UBE4B: variants seen among roughly 807,000 people sequenced by gnomAD.
The protein encoded by UBE4B is ubiquitin conjugation factor E4 B.
In UBE4B, 27 loss-of-function variants were observed where a neutral mutation model predicts 148.1. That is an observed-to-expected ratio of 0.18 (90% CI 0.13 to 0.25). The LOEUF is 0.25. Ranked by LOEUF, UBE4B falls within the 10% of genes least tolerant of loss-of-function variation. The pLI, the probability that UBE4B is intolerant of heterozygous loss-of-function variation, is 1.00. For missense variants in UBE4B, 1,170 were observed against 1,662.4 expected (o/e 0.70, Z 5.15); for synonymous variants, 596 against 619.3 (o/e 0.96, Z 0.56).
In UBE4B at chr1:10,161,001, G is replaced by A. The variant is rs1213799396; in HGVS notation, c.3054-141G>A. 9 of 823,642 alleles carry A rather than the reference G, an allele frequency of 1.1e-5. No homozygotes were observed. The East Asian group carries it at 2.3e-4, about 21-fold the overall frequency. 51.0% of individuals were successfully genotyped at this position (823,642 alleles called of 1,614,324 possible). A position where few individuals can be genotyped will look rare whatever the true frequency, so the allele number is the denominator to read the frequency against. ...AGCTTGGTGGTCCTTGAATTCCATA[G>A]TGCCTGACTTGTGCCAGGGTAGCCA... On this transcript the variant is annotated intron_variant, in intron 22 of 27. Transcript: ENST00000343090. The surrounding 1 kb of genome is among the most constrained non-coding windows in gnomAD (Gnocchi z 4.1).
chr1:10,179,932 A>G lies in UBE4B; in HGVS notation c.3885A>G (p.Arg1295=). 1 of 1,614,070 alleles carries G rather than the reference A, an allele frequency of 6.2e-7. No individual in the cohort carries two copies. The highest frequency in any genetic ancestry group is 8.5e-7 in the Non-Finnish European group (1 of 1,180,026). ...ELKEQIQAWM[R]EKQNSDH Reference sequence around the variant, plus strand: ...AAGAGCAGATTCAGGCGTGGATGAGAGAGAAACAGAACAGCGATCACTAAA... The same window carrying G: ...AAGAGCAGATTCAGGCGTGGATGAGGGAGAAACAGAACAGCGATCACTAAA... The change falls in exon 28 of 28, where the codon AGA becomes AGG. Residue 1295 remains arginine (R), a synonymous_variant. Transcript: ENST00000343090.
intron 7 of UBE4B, among the ~76,000 whole-genome samples, chr1:10,108,790 G>A (rs552457803): frequency 6.6e-6 from 1 of 152,296 alleles, no homozygotes; most frequent in South Asian, 2.1e-4. Flanking sequence ...TTTCCCAAAG[G>A]TGAAAGTGTC....
At chr1:10,085,726 CAG>C (rs1213607339) in intron 2 of UBE4B, among the ~76,000 whole-genome samples, 2 of 152,120 alleles carry the variant, frequency 1.3e-5, no homozygotes, top group African/African-American at 2.4e-5. Flanking sequence ...AGTTCACTAA[CAG>C]CGTGCATTTG....
intron 1 of UBE4B, among the ~76,000 whole-genome samples, chr1:10,045,065 G>A (rs577371514): frequency 1.6e-4 from 24 of 152,202 alleles, no homozygotes; most frequent in Non-Finnish European, 3.1e-4. Context: ...AGGGTGCAAT[G>A]TAGATCCCTC....
intron 1 of UBE4B, among the ~76,000 whole-genome samples, chr1:10,064,335 T>A (rs970746406): frequency 6.6e-6 from 1 of 152,170 alleles, no homozygotes; most frequent in African/African-American, 2.4e-5. Context: ...AAACCTAATA[T>A]AAGATGGTGA....
intron 10 of UBE4B, among the ~76,000 whole-genome samples, chr1:10,123,503 G>A (rs1645444459): frequency 6.6e-6 from 1 of 151,752 alleles, no homozygotes; most frequent in South Asian, 2.1e-4. Flanking sequence ...GAGGTAATGG[G>A]TAGTAATTAG....
intron 2 of UBE4B, among the ~76,000 whole-genome samples, chr1:10,077,514 A>T (rs1204208891): frequency 6.6e-6 from 1 of 152,216 alleles, no homozygotes; most frequent in Non-Finnish European, 1.5e-5. Context: ...GAGCCTTGCC[A>T]GTGTTGCTCA....
At position 10,042,792 on chromosome 1, in the gene UBE4B, C is replaced by T. The variant is rs143392298; in HGVS notation, c.24+9098C>T. 1.8e-4 allele frequency among the ~76,000 whole-genome samples: 27 copies of T among 152,154 alleles called. No individual in the cohort carries two copies. The South Asian group carries it at 5.0e-3, about 28-fold the overall frequency. ...ACAGAGAACAATCAGATATGTGTAA[C>T]GTGTGCACTTTGAGGAGGTGGTCTT... On this transcript the variant is annotated intron_variant, in intron 1 of 27. Transcript: ENST00000343090.
chr1:10,175,837 G>T (rs747636753), intron 25 of UBE4B, among the ~76,000 whole-genome samples: 3 of 151,974 alleles, frequency 2.0e-5, no homozygotes, highest in Non-Finnish European at 4.4e-5. Flanking sequence ...CTTTAATGAG[G>T]TAAGATTAAT....
intron 21 of UBE4B, among the ~76,000 whole-genome samples, chr1:10,154,419 C>T (rs1306581814): frequency 6.6e-6 from 1 of 152,030 alleles, no homozygotes; most frequent in East Asian, 1.9e-4. Flanking sequence ...TACGAGACAA[C>T]AGCTGAATAG....
intron 4 of UBE4B, 113 bp downstream of exon 4, chr1:10,101,308 G>C: frequency 2.1e-6 from 2 of 937,388 alleles, no homozygotes; most frequent in South Asian, 3.3e-5. Flanking sequence ...GTCCTAGGCA[G>C]GTGATTATTT....
In UBE4B at chr1:10,138,806, C is replaced by CTAT. The variant is rs1645738383; in HGVS notation, c.2363+1602_2363+1603insATT. Among the ~76,000 whole-genome samples, 16 of 152,182 alleles carry CTAT rather than the reference C, an allele frequency of 1.1e-4. No individual in the cohort carries two copies. In the South Asian group the frequency reaches 3.3e-3, roughly 32 times the overall value. The stretch of plus-strand genomic sequence containing the variant: ...ATTTCAATAGTTAGTTCCCTTAGCA[C>CTAT]TGGTTGAATTTTATTAAATACTTTT... On this transcript the variant is annotated intron_variant, in intron 17 of 27. Transcript: ENST00000343090.
chr1:10,168,336 CT>C lies in UBE4B; in HGVS notation c.3333+69del. The C allele has an allele frequency of 6.4e-7, 1 of 1,553,620 alleles. No individual in the cohort carries two copies. On this transcript the variant is annotated intron_variant, in intron 24 of 27. Coordinates refer to ENST00000343090, the MANE Select transcript of UBE4B (RefSeq NM_001105562.3). This position sits in a 1 kb window ranked among gnomAD's most constrained non-coding sequence, Gnocchi z 4.9. Reference sequence around the variant, plus strand: ...CACATTCAGACTCTCTCACTTATAACTTTAGCAGTTGTTGAAGTTCTGGAAA... The same window carrying C: ...CACATTCAGACTCTCTCACTTATAACTTAGCAGTTGTTGAAGTTCTGGAAA...
chr1:10,098,732 A>G (rs1557550025), intron 3 of UBE4B, among the ~76,000 whole-genome samples: 1 of 152,212 alleles, frequency 6.6e-6, no homozygotes, highest in Non-Finnish European at 1.5e-5. Flanking sequence ...ATGTGTTACT[A>G]CAGTATAGCC....
intron 1 of UBE4B, among the ~76,000 whole-genome samples, chr1:10,070,049 A>G (rs1557527460): frequency 6.6e-6 from 1 of 152,038 alleles, no homozygotes; most frequent in African/African-American, 2.4e-5. Context: ...CCGAGGTGGA[A>G]GGATTGTTTG....
In UBE4B at chr1:10,144,973, A is replaced by T; in HGVS notation, c.2397A>T (p.Gln799His). ...AAGATTTGAAAAATAATGAAAGCCA[A>T]TGGAAAGATTCCCCACTGGCAACTA... The part of the protein sequence containing the change: ...TVEDLKNNES[Q>H]WKDSPLATRH... Residue 799 changes from glutamine (Q) to histidine (H), a missense_variant, in exon 18 of 28, where the codon CAA (glutamine) becomes CAT (histidine). Physicochemically the swap from Gln to His is conservative, Grantham distance 24. Around this residue, in one of 6 missense-constraint regions of UBE4B, gnomAD observed 388 missense variants for 536.0 expected, o/e 0.72. Coordinates refer to ENST00000343090, the MANE Select transcript of UBE4B (RefSeq NM_001105562.3). 1 of 1,613,888 alleles carries T rather than the reference A, an allele frequency of 6.2e-7. No homozygotes were observed. The highest frequency in any genetic ancestry group is 8.5e-7 in the Non-Finnish European group (1 of 1,179,894).
chr1:10,114,656 G>T (rs1388778804), intron 7 of UBE4B, among the ~76,000 whole-genome samples: 3 of 152,122 alleles, frequency 2.0e-5, no homozygotes, highest in African/African-American at 7.2e-5. Flanking sequence ...TTGAGGTCAG[G>T]AGTTTGAGAC....
Position 10,158,496 on chromosome 1 carries a change from C to G in UBE4B, c.3053+14C>G. 1 of 1,608,654 alleles carries G rather than the reference C, an allele frequency of 6.2e-7. No individual in the cohort carries two copies. Among genetic ancestry groups the G allele is most frequent in the Non-Finnish European group, 8.5e-7 (1 of 1,177,232 alleles). On this transcript the variant is annotated intron_variant, in intron 22 of 27. Transcript: ENST00000343090. ...GGAGGAGTTCAAGTGAGTATGGGGC[C>G]CCTCGTGTCACAACTTGCTTTCTTG...
chr1:10,091,557 A>G (rs1170012799), intron 2 of UBE4B, among the ~76,000 whole-genome samples: 1 of 149,380 alleles, frequency 6.7e-6, no homozygotes, highest in Non-Finnish European at 1.5e-5. Flanking sequence ...CAATCCTTCC[A>G]CCTCACCCTC....
Sources: allele counts gnomAD v4.1 joint callset (sites outside exome capture counted in the v4.1 genomes callset), GRCh38; gene constraint gnomAD v4.1.1; regional missense constraint gnomAD v4.1.1; non-coding constraint Gnocchi (gnomAD v3.1); transcripts MANE v1.5; gene names NCBI Gene and HGNC (gene_info 2026-07-23, HGNC 2026-07-21).